PSD3: variants seen among roughly 807,000 people sequenced by gnomAD.
PSD3 encodes the protein pleckstrin and Sec7 domain containing 3.
Under a neutral mutation model 105.5 loss-of-function variants are expected in PSD3, and 49 were observed. That is an observed-to-expected ratio of 0.46 (90% CI 0.37 to 0.59). The LOEUF (loss-of-function observed/expected upper bound fraction) is 0.59, where lower values mean the gene tolerates loss of function less well. PSD3 is among the 20% of genes least tolerant of loss of function. The probability of loss-of-function intolerance (pLI) is 0.00; values close to 1 mark genes in which losing one functional copy is unlikely to be tolerated. For missense variants in PSD3, 1,561 were observed against 1,263.8 expected, an observed-to-expected ratio of 1.24 and a Z score of -3.57; for synonymous variants, 557 against 457.8, an observed-to-expected ratio of 1.22 and a Z score of -2.77.
At chr8:18,918,707 G>A (rs1586423072) in intron 2 of PSD3, among the ~76,000 whole-genome samples, 1 of 152,138 alleles carries the variant, frequency 6.6e-6, no homozygotes. Flanking sequence ...CAGAAAATGT[G>A]AATAATGTGT....
At chr8:18,857,072 A>C (rs1240298547) in intron 4 of PSD3, among the ~76,000 whole-genome samples, 1 of 152,196 alleles carries the variant, frequency 6.6e-6, no homozygotes, top group Non-Finnish European at 1.5e-5. Flanking sequence ...CCCTATCACC[A>C]CCACACCTAA....
chr8:19,061,831 AC>A (rs2129477575), intron 1 of PSD3, among the ~76,000 whole-genome samples: 1 of 151,584 alleles, frequency 6.6e-6, no homozygotes, highest in Admixed American at 6.6e-5. Flanking sequence ...CACTTCCCAG[AC>A]TTTACACACA....
At chr8:19,079,315 A>G (rs191668666) in intron 1 of PSD3, among the ~76,000 whole-genome samples, 38 of 152,352 alleles carry the variant, frequency 2.5e-4, no homozygotes, top group African/African-American at 8.9e-4. Flanking sequence ...AATCCCATCA[A>G]TACTGACTCC....
At chr8:18,603,402 T>C (rs1469372893) in intron 11 of PSD3, among the ~76,000 whole-genome samples, 1 of 152,218 alleles carries the variant, frequency 6.6e-6, no homozygotes, top group African/African-American at 2.4e-5. Context: ...GATTGCTTTT[T>C]GGAGGCCATT....
At chr8:18,599,651 T>C (rs1308207446) in intron 12 of PSD3, among the ~76,000 whole-genome samples, 2 of 152,154 alleles carry the variant, frequency 1.3e-5, no homozygotes, top group African/African-American at 2.4e-5. Context: ...ACTGTACAGA[T>C]CCACTAATAT....
chr8:18,615,136 AC>A (rs1364872413), intron 11 of PSD3, among the ~76,000 whole-genome samples: 2 of 151,896 alleles, frequency 1.3e-5, no homozygotes, highest in Non-Finnish European at 2.9e-5. Context: ...TCGTAAAGCA[AC>A]CTTTTTCGAT....
At chr8:19,048,579 A>G (rs193177195) in intron 1 of PSD3, among the ~76,000 whole-genome samples, 4 of 152,352 alleles carry the variant, frequency 2.6e-5, no homozygotes, top group Admixed American at 2.6e-4. Context: ...AGGGAGATGG[A>G]GACTCCAAGT....
chr8:19,014,090 G>A (rs1288836015), upstream of PSD3: 2 of 152,338 alleles, frequency 1.3e-5, no homozygotes, highest in Non-Finnish European at 2.9e-5. The surrounding 1 kb of genome is among the most constrained non-coding windows in gnomAD (Gnocchi z 4.9). Context: ...TTCCTTCACA[G>A]TTTTCCCACC....
At chr8:18,775,424 G>A (rs544095947) in intron 8 of PSD3, among the ~76,000 whole-genome samples, 26 of 152,232 alleles carry the variant, frequency 1.7e-4, no homozygotes, top group African/African-American at 4.1e-4. Context: ...GTTTTTCAAT[G>A]AGCATTCACA....
intron 2 of PSD3, among the ~76,000 whole-genome samples, chr8:18,880,600 T>A (rs936575406): frequency 6.6e-6 from 1 of 152,188 alleles, no homozygotes; most frequent in African/African-American, 2.4e-5. Context: ...TGGACCGGCA[T>A]CCATGCCCAT....
Position 18,535,971 on chromosome 8 carries a change from C to A in PSD3, c.2929-13G>T. On this transcript the variant is annotated splice_polypyrimidine_tract_variant and intron_variant, in intron 15 of 15. Coordinates refer to ENST00000327040, the MANE Select transcript of PSD3 (RefSeq NM_015310.4). ...CATAGCGGGTTTTCTGAAGGCAAAG[C>A]CAGAGAACAACGGTAGTCAGAAAAC... 4.3e-6 allele frequency: 7 copies of A among 1,609,872 alleles called. No homozygotes were observed. The highest frequency in any genetic ancestry group is 5.9e-6 in the Non-Finnish European group (7 of 1,176,510).
chr8:18,849,097 C>G (rs1022793273), intron 4 of PSD3, among the ~76,000 whole-genome samples: 8 of 152,174 alleles, frequency 5.3e-5, no homozygotes, highest in Non-Finnish European at 1.2e-4. Context: ...AGTCCCGAAG[C>G]AGCATTTATA....
rs114439381 is a variant in PSD3, at chr8:19,029,081, G to T, written c.324+55125C>A. Among the ~76,000 whole-genome samples the T allele has an allele frequency of 3.1e-3, 470 of 152,228 alleles. 2 individuals are homozygous for T. Among genetic ancestry groups the T allele is most frequent in the African/African-American group, 0.011 (452 of 41,530 alleles). On this transcript the variant is annotated intron_variant, in intron 1 of 1. Coordinates refer to the PSD3 transcript ENST00000521475. ...ATTACTAGCTTTATAGTAATATTGA[G>T]ATCAAGTAGTGTAAGTATTCTAAAT...
intron 2 of PSD3, among the ~76,000 whole-genome samples, chr8:18,930,506 C>T (rs566798799): frequency 1.3e-5 from 2 of 151,896 alleles, no homozygotes; most frequent in African/African-American, 4.8e-5. Context: ...GGGTAAGTAT[C>T]AAGAAATGGA....
chr8:18,716,091 A>G (rs192788981), intron 9 of PSD3, among the ~76,000 whole-genome samples: 12 of 152,326 alleles, frequency 7.9e-5, no homozygotes, highest in South Asian at 4.1e-4. Flanking sequence ...CCATGGCCCA[A>G]TTGTTGGTCA....
intron 1 of PSD3, among the ~76,000 whole-genome samples, chr8:18,981,605 C>T (rs191292288): frequency 2.0e-5 from 3 of 152,076 alleles, no homozygotes. Flanking sequence ...CAATTCCAGA[C>T]CACAACAATA....
intron 1 of PSD3, among the ~76,000 whole-genome samples, chr8:19,079,219 T>C (rs1355525821): frequency 1.3e-5 from 2 of 152,186 alleles, no homozygotes; most frequent in Admixed American, 6.5e-5. Context: ...CATTCTGCTA[T>C]CTCAGGCTTT....
chr8:18,943,794 A>G lies in PSD3; in HGVS notation c.22-7652T>C, dbSNP rs1331749098. On this transcript the variant is annotated intron_variant, in intron 1 of 15. Transcript: ENST00000327040. ...ACCACACACTACTGAAGTTAAAGAT[A>G]CCATAGCGGAAACTGGGATTTGTAT... Among the ~76,000 whole-genome samples the G allele has an allele frequency of 2.0e-5, 3 of 152,238 alleles. No individual in the cohort carries two copies. The East Asian group carries it at 5.8e-4, about 30-fold the overall frequency.
intron 1 of PSD3, among the ~76,000 whole-genome samples, chr8:19,060,896 T>A (rs1828875355): frequency 6.6e-6 from 1 of 152,200 alleles, no homozygotes; most frequent in Non-Finnish European, 1.5e-5. Context: ...CCATCCCTGG[T>A]TATCTAGGCA....
Sources: gnomAD v4.1 joint callset for allele counts (sites outside exome capture counted in the v4.1 genomes callset) on GRCh38, gnomAD v4.1.1 for gene constraint, Gnocchi (gnomAD v3.1) non-coding constraint, MANE v1.5 for transcripts, NCBI Gene and HGNC (gene_info 2026-07-23, HGNC 2026-07-21) for gene names.